The following DCX variants were observed in gnomAD, a reference collection of about 807,000 sequenced individuals.
DCX encodes the protein doublecortin.
In DCX, 4 loss-of-function variants were observed where a neutral mutation model predicts 20.9. That is an observed-to-expected ratio of 0.19 (90% CI 0.09 to 0.44). The LOEUF is 0.44. DCX is among the 20% of genes least tolerant of loss of function. DCX has a pLI of 0.99. For missense variants in DCX, 133 were observed against 296.9 expected, an observed-to-expected ratio of 0.45 and a Z score of 4.06; for synonymous variants, 103 against 111.4, an observed-to-expected ratio of 0.92 and a Z score of 0.47.
In DCX at chrX:111,295,036, A is replaced by G. The variant is rs2095017034; in HGVS notation, c.*6651T>C. ...CCACACGTGGGAAATGCAAAATTCA[A>G]TAAAACATGCATTAGTTGTATACAA... On this transcript the variant is annotated 3_prime_UTR_variant, in exon 7 of 7. Coordinates refer to ENST00000636035, the MANE Select transcript of DCX (RefSeq NM_001195553.2). 8.8e-6 allele frequency: 1 copy of G among 113,031 alleles called. No individual in the cohort carries two copies. Among genetic ancestry groups the G allele is most frequent in the Admixed American group, 9.4e-5 (1 of 10,679 alleles). 9.3% of individuals were successfully genotyped at this position (113,031 alleles called of 1,213,427 possible).
intron 3 of DCX, among the ~76,000 whole-genome samples, chrX:111,397,807 ATGTG>A (rs5903372): frequency 3.7e-5 from 4 of 107,814 alleles, no homozygotes; most frequent in South Asian, 4.2e-4. Flanking sequence ...ATCTACATAT[ATGTG>A]TGTGTGTATA....
chrX:111,313,985 C>T (rs185684059), intron 5 of DCX, among the ~76,000 whole-genome samples: 4 of 110,899 alleles, frequency 3.6e-5, no homozygotes, highest in African/African-American at 1.3e-4. Context: ...GATAGTGTTC[C>T]TGTCAGTCCC....
At chrX:111,398,298 A>G (rs1328997398) in intron 3 of DCX, among the ~76,000 whole-genome samples, 1 of 109,894 alleles carries the variant, frequency 9.1e-6, no homozygotes, top group African/African-American at 3.3e-5. Flanking sequence ...ATTCAATCAA[A>G]AAACATTTAT....
At chrX:111,314,890 AT>A (rs1164321970) in intron 5 of DCX, among the ~76,000 whole-genome samples, 1 of 109,605 alleles carries the variant, frequency 9.1e-6, no homozygotes, top group Non-Finnish European at 1.9e-5. Flanking sequence ...GGTCGCAAAA[AT>A]TTTTTCCCAT....
chrX:111,325,030 C>A (rs898977519), intron 5 of DCX, among the ~76,000 whole-genome samples: 3 of 111,658 alleles, frequency 2.7e-5, no homozygotes, highest in African/African-American at 9.8e-5. Flanking sequence ...TTTTTCTCTT[C>A]CCACAGCTCT....
At chrX:111,395,101 A>G (rs1380146186) in intron 3 of DCX, among the ~76,000 whole-genome samples, 1 of 111,892 alleles carries the variant, frequency 8.9e-6, no homozygotes. Flanking sequence ...CATTCAGAAG[A>G]GTGAAAACAT....
chrX:111,398,676 C>T (rs777581402), intron 3 of DCX, among the ~76,000 whole-genome samples: 1 of 112,297 alleles, frequency 8.9e-6, no homozygotes, highest in South Asian at 3.7e-4. Context: ...TAGGACAAAA[C>T]CCTATGCATC....
intron 2 of DCX, among the ~76,000 whole-genome samples, chrX:111,408,632 G>GAGAAGGAAAGAA (rs1305804444): frequency 2.6e-5 from 2 of 78,000 alleles, no homozygotes; most frequent in African/African-American, 4.8e-5. Context: ...AGAAAGAAAA[G>GAGAAGGAAAGAA]AGAAAGAAAG....
At chrX:111,385,785 GA>G (rs1926424084) in intron 3 of DCX, among the ~76,000 whole-genome samples, 5 of 8,022 alleles carry the variant, frequency 6.2e-4, no homozygotes, top group African/African-American at 1.4e-3. Context: ...GGGAGGGAGG[GA>G]AGGAAGGAAG....
At position 111,301,562 on chromosome X, in the gene DCX, A is replaced by G; in HGVS notation, c.*125T>C. On this transcript the variant is annotated 3_prime_UTR_variant, in exon 7 of 7. Transcript: ENST00000636035. The stretch of plus-strand genomic sequence containing the variant: ...AACATATTACAATGTGTTTTTCAAA[A>G]TAACAACAACAACAAAATAAAAACT... 1 of 728,674 alleles carries G rather than the reference A, an allele frequency of 1.4e-6. No individual in the cohort carries two copies. The highest frequency in any genetic ancestry group is 2.1e-5 in the South Asian group (1 of 46,733). 60.1% of individuals were successfully genotyped at this position (728,674 alleles called of 1,213,427 possible).
chrX:111,356,311 A>G (rs1466909338), intron 3 of DCX, among the ~76,000 whole-genome samples: 1 of 112,195 alleles, frequency 8.9e-6, no homozygotes, highest in Non-Finnish European at 1.9e-5. Context: ...AGTCCATGGC[A>G]GAAATCATTA....
chrX:111,402,797 G>A (rs1256388376), intron 2 of DCX, among the ~76,000 whole-genome samples: 1 of 90,658 alleles, frequency 1.1e-5, no homozygotes, highest in Admixed American at 1.2e-4. Flanking sequence ...GTGTGTGTGT[G>A]TGTGTGTGTG....
chrX:111,351,548 G>A (rs1196146470), intron 3 of DCX, among the ~76,000 whole-genome samples: 3 of 112,289 alleles, frequency 2.7e-5, no homozygotes, highest in Non-Finnish European at 5.6e-5. Flanking sequence ...TTGCAATTAA[G>A]TGGAATTTGG....
intron 1 of DCX, 65 bp from the exon 2 acceptor site, chrX:111,410,485 A>T: frequency 8.6e-7 from 1 of 1,166,640 alleles, no homozygotes. Context: ...AGGAGAAGGA[A>T]AAAAGAAGGG....
chrX:111,381,652 A>AT (rs1161481171), intron 3 of DCX, among the ~76,000 whole-genome samples: 1 of 110,991 alleles, frequency 9.0e-6, no homozygotes, highest in Non-Finnish European at 1.9e-5. Flanking sequence ...TCCAAGCAGA[A>AT]TATGTCATTC....
Position 111,297,699 on chromosome X carries a change from AG to A in DCX, c.*3987del, listed in dbSNP as rs1360075255. The A allele has an allele frequency of 9.0e-6, 1 of 111,701 alleles. No individual in the cohort carries two copies. The highest frequency in any genetic ancestry group is 1.9e-5 in the Non-Finnish European group (1 of 53,141). 9.2% of individuals were successfully genotyped at this position (111,701 alleles called of 1,213,427 possible). A position where few individuals can be genotyped will look rare whatever the true frequency, so the allele number is the denominator to read the frequency against. On this transcript the variant is annotated 3_prime_UTR_variant, in exon 7 of 7. Transcript: ENST00000636035. ...ACTAATAAATACCCCCTTAGTTCCC[AG>A]GAAGAGCCTTGCAGCAAGGAAAACC...
At chrX:111,333,027 A>ATAAAACCCAGTGGT (rs1569489061) in intron 4 of DCX, 24 bp downstream of exon 4, 1 of 1,116,435 alleles carries the variant, frequency 9.0e-7, no homozygotes, top group East Asian at 3.0e-5. Flanking sequence ...CAATGGAGCA[A>ATAAAACCCAGTGGT]TAAAACCCAG....
chrX:111,345,395 G>T (rs1230811360), intron 3 of DCX, among the ~76,000 whole-genome samples: 1 of 111,843 alleles, frequency 8.9e-6, no homozygotes, highest in Non-Finnish European at 1.9e-5. Context: ...TGACAAATAG[G>T]TTCTAATTAA....
chrX:111,318,754 T>C (rs1398972791), intron 5 of DCX, among the ~76,000 whole-genome samples: 3 of 110,672 alleles, frequency 2.7e-5, no homozygotes, highest in Non-Finnish European at 5.7e-5. Flanking sequence ...TGAGAACACA[T>C]GGACACAAAG....
Sources: allele counts gnomAD v4.1 joint callset (sites outside exome capture counted in the v4.1 genomes callset), GRCh38; gene constraint gnomAD v4.1.1; transcripts MANE v1.5; gene names NCBI Gene and HGNC (gene_info 2026-07-23, HGNC 2026-07-21).